The following CSGALNACT1 variants were observed in gnomAD, a reference collection of about 807,000 sequenced individuals.
The protein encoded by CSGALNACT1 is beta4GalNAcT-1.
Under a neutral mutation model 51.0 loss-of-function variants are expected in CSGALNACT1, and 52 were observed. The ratio of observed to expected loss-of-function variants is 1.02; its 90% CI spans 0.82 to 1.29. CSGALNACT1 has a LOEUF of 1.29. CSGALNACT1 is among the 50% of genes most tolerant of loss of function. The pLI, the probability that CSGALNACT1 is intolerant of heterozygous loss-of-function variation, is 0.00. For synonymous variants in CSGALNACT1, 341 were observed against 254.4 expected, an observed-to-expected ratio of 1.34 and a Z score of -3.24; for missense variants, 935 against 679.2, an observed-to-expected ratio of 1.38 and a Z score of -4.19.
intron 1 of CSGALNACT1, among the ~76,000 whole-genome samples, chr8:19,704,578 T>C (rs560216027): frequency 6.2e-4 from 95 of 152,304 alleles, no homozygotes; most frequent in Non-Finnish European, 9.4e-4. Flanking sequence ...TCTGGGTATA[T>C]ACACAAGGAA....
intron 1 of CSGALNACT1, among the ~76,000 whole-genome samples, chr8:19,636,916 G>A (rs150296293): frequency 3.3e-5 from 5 of 152,222 alleles, no homozygotes; most frequent in African/African-American, 1.2e-4. Context: ...AAGGAGGCCA[G>A]GCATGGTGGC....
intron 3 of CSGALNACT1, among the ~76,000 whole-genome samples, chr8:19,524,576 G>A (rs561971315): frequency 3.9e-5 from 6 of 152,184 alleles, no homozygotes; most frequent in African/African-American, 1.2e-4. Flanking sequence ...AGTAGGAAGA[G>A]TTGGGATTTT....
upstream of CSGALNACT1, among the ~76,000 whole-genome samples, chr8:19,685,899 A>C (rs977581290): frequency 3.9e-5 from 6 of 152,210 alleles, no homozygotes; most frequent in African/African-American, 1.4e-4. Context: ...AACCTCAGGC[A>C]AATGACTTAA....
chr8:19,596,158 G>A lies in CSGALNACT1; in HGVS notation c.-415-4880C>T, dbSNP rs183167366. Reference sequence around the variant, plus strand: ...GTTGAGATTATAGGTGTGAGCCACCGTGCCCAGCCTCATTTTCAGTTCCTC... The same window carrying A: ...GTTGAGATTATAGGTGTGAGCCACCATGCCCAGCCTCATTTTCAGTTCCTC... On this transcript the variant is annotated intron_variant, in intron 2 of 9. Coordinates refer to ENST00000454498, the Ensembl canonical transcript of CSGALNACT1. Among the ~76,000 whole-genome samples the A allele has an allele frequency of 5.9e-5, 9 of 152,176 alleles. No individual in the cohort carries two copies. The East Asian group carries it at 1.7e-3, about 29-fold the overall frequency.
intron 3 of CSGALNACT1, among the ~76,000 whole-genome samples, chr8:19,530,129 G>A (rs1315937037): frequency 6.6e-6 from 1 of 152,120 alleles, no homozygotes; most frequent in Non-Finnish European, 1.5e-5. Flanking sequence ...GCTGAGGCAT[G>A]AAAATTGCAT....
chr8:19,582,835 T>C (rs775448573), intron 3 of CSGALNACT1, among the ~76,000 whole-genome samples: 1 of 152,192 alleles, frequency 6.6e-6, no homozygotes, highest in Non-Finnish European at 1.5e-5. Flanking sequence ...TCTTATTTGC[T>C]AGAGCCAGTA....
At chr8:19,444,701 G>T (rs1298229304) in intron 5 of CSGALNACT1, among the ~76,000 whole-genome samples, 1 of 152,172 alleles carries the variant, frequency 6.6e-6, no homozygotes, top group Non-Finnish European at 1.5e-5. Context: ...TCCTGGGGTT[G>T]CTGGGATAAA....
chr8:19,690,195 A>G (rs546080691), intron 1 of CSGALNACT1, among the ~76,000 whole-genome samples: 107 of 152,376 alleles, frequency 7.0e-4, no homozygotes, highest in African/African-American at 2.5e-3. Context: ...CAATTAATAC[A>G]TGAATACTTT....
intron 4 of CSGALNACT1, among the ~76,000 whole-genome samples, chr8:19,474,382 ATTATT>A (rs1563603698): frequency 6.6e-6 from 1 of 152,130 alleles, no homozygotes; most frequent in African/African-American, 2.4e-5. Flanking sequence ...TTACTTATTT[ATTATT>A]TATTTATTTA....
intron 3 of CSGALNACT1, among the ~76,000 whole-genome samples, chr8:19,513,436 C>CTCTCTCTCTCTCTCTCTA: frequency 2.2e-4 from 18 of 81,978 alleles, no homozygotes; most frequent in Admixed American, 7.0e-4. Flanking sequence ...CTCTCTCTCT[C>CTCTCTCTCTCTCTCTCTA]TATATATATA....
intron 3 of CSGALNACT1, among the ~76,000 whole-genome samples, chr8:19,548,648 T>C (rs1484831769): frequency 6.6e-6 from 1 of 152,232 alleles, no homozygotes; most frequent in African/African-American, 2.4e-5. Context: ...TTAACTTTTA[T>C]CAAGCACATG....
At chr8:19,645,533 G>A (rs1053381401) in intron 1 of CSGALNACT1, among the ~76,000 whole-genome samples, 6 of 152,172 alleles carry the variant, frequency 3.9e-5, no homozygotes, top group African/African-American at 9.7e-5. Flanking sequence ...ATCCATTTCC[G>A]CAGCTGTCAA....
Position 19,710,411 on chromosome 8 carries a change from A to G in CSGALNACT1, c.-297+47439T>C, listed in dbSNP as rs574429638. ...AAAGGATGGTTCCTGTAAAAGAAAT[A>G]GATCGCCTTAACAACGCTATGCTTG... On this transcript the variant is annotated intron_variant, in intron 1 of 1. Transcript: ENST00000517494. 7.2e-5 allele frequency among the ~76,000 whole-genome samples: 11 copies of G among 152,368 alleles called. No individual in the cohort carries two copies. In the South Asian group the frequency reaches 2.3e-3, roughly 32 times the overall value.
chr8:19,525,849 T>C (rs973744831), intron 3 of CSGALNACT1, among the ~76,000 whole-genome samples: 1 of 151,906 alleles, frequency 6.6e-6, no homozygotes, highest in African/African-American at 2.4e-5. Context: ...AGGCCAGGGG[T>C]GGCTCTATTT....
At chr8:19,705,097 T>G (rs1237793972) in intron 1 of CSGALNACT1, among the ~76,000 whole-genome samples, 4 of 152,024 alleles carry the variant, frequency 2.6e-5, no homozygotes, top group Non-Finnish European at 5.9e-5. Flanking sequence ...CACAAAAAGG[T>G]ACTATGTGAG....
intron 4 of CSGALNACT1, among the ~76,000 whole-genome samples, chr8:19,491,986 A>C (rs2074446680): frequency 6.6e-6 from 1 of 152,184 alleles, no homozygotes; most frequent in Admixed American, 6.5e-5. Flanking sequence ...GCCAAAGTAC[A>C]CTCTGTGCTA....
intron 9 of CSGALNACT1, among the ~76,000 whole-genome samples, chr8:19,406,867 C>G (rs2054308335): frequency 6.6e-6 from 1 of 152,154 alleles, no homozygotes; most frequent in South Asian, 2.1e-4. Flanking sequence ...TGTCACCATG[C>G]CTGGGTAACT....
intron 1 of CSGALNACT1, among the ~76,000 whole-genome samples, chr8:19,704,294 A>G (rs2062038517): frequency 6.6e-6 from 1 of 152,234 alleles, no homozygotes; most frequent in Non-Finnish European, 1.5e-5. Flanking sequence ...ATATTGTTAG[A>G]TGGAGAAGAA....
intron 1 of CSGALNACT1, among the ~76,000 whole-genome samples, chr8:19,713,324 G>T (rs1249268631): frequency 2.6e-5 from 4 of 152,166 alleles, no homozygotes; most frequent in Non-Finnish European, 5.9e-5. Flanking sequence ...AAGGCTTCAG[G>T]TAGGAGGCAG....
Sources: gnomAD v4.1 joint callset for allele counts (sites outside exome capture counted in the v4.1 genomes callset) on GRCh38, gnomAD v4.1.1 for gene constraint, MANE v1.5 for transcripts, NCBI Gene and HGNC (gene_info 2026-07-23, HGNC 2026-07-21) for gene names.